Variants in COMMD10 observed in about 807,000 individuals in gnomAD.
COMMD10 encodes COMM domain-containing protein 10.
In COMMD10, 33 loss-of-function variants were observed where a neutral mutation model predicts 28.9. That is an observed-to-expected ratio of 1.14 (90% CI 0.87 to 1.53). The LOEUF is 1.53. Among genes scored for constraint, COMMD10 ranks in the 40% most tolerant of loss-of-function variants. The pLI is 0.00. For synonymous variants in COMMD10, 110 were observed against 81.7 expected (o/e 1.35, Z -1.87); for missense variants, 310 against 233.4 (o/e 1.33, Z -2.14).
At chr5:116,280,402 G>A (rs1390836498) in intron 5 of COMMD10, among the ~76,000 whole-genome samples, 1 of 151,802 alleles carries the variant, frequency 6.6e-6, no homozygotes, top group African/African-American at 2.4e-5. Context: ...TGGTTGCCAA[G>A]ATTGATTTCA....
Position 116,292,601 on chromosome 5 carries a change from A to G in COMMD10, c.*112A>G, listed in dbSNP as rs967859436. On this transcript the variant is annotated 3_prime_UTR_variant, in exon 7 of 7. Coordinates refer to ENST00000274458, the MANE Select transcript of COMMD10 (RefSeq NM_016144.4). ...GGATTCAGTGACTTGCTTTCTGTAA[A>G]TTATATGGCTTATCACTTCTTAGAC... is the stretch of plus-strand genomic sequence containing the variant. 5.2e-6 allele frequency: 4 copies of G among 767,104 alleles called. No individual in the cohort carries two copies. The highest frequency in any genetic ancestry group is 3.5e-5 in the African/African-American group (2 of 56,820). The allele number at this position is 767,104 out of a possible 1,614,324, so 47.5% of individuals were successfully genotyped here. A position where few individuals can be genotyped will look rare whatever the true frequency, so the allele number is the denominator to read the frequency against.
At chr5:116,210,401 T>A in intron 5 of COMMD10, among the ~76,000 whole-genome samples, 1 of 151,852 alleles carries the variant, frequency 6.6e-6, no homozygotes, top group East Asian at 1.9e-4. Context: ...TTTATAGATC[T>A]TTTTCTTAGG....
intron 5 of COMMD10, among the ~76,000 whole-genome samples, chr5:116,200,056 G>A (rs180971208): frequency 2.0e-5 from 3 of 152,202 alleles, no homozygotes; most frequent in Non-Finnish European, 4.4e-5. Flanking sequence ...CATACAATGT[G>A]TAATAATCAC....
chr5:116,263,344 T>G lies in COMMD10; in HGVS notation c.511-28173T>G, dbSNP rs148897283. Among the ~76,000 whole-genome samples, 277 of 151,876 alleles carry G rather than the reference T, an allele frequency of 1.8e-3. 6 individuals are homozygous for G. Among genetic ancestry groups the G allele is most frequent in the African/African-American group, 6.3e-3 (261 of 41,246 alleles). On this transcript the variant is annotated intron_variant, in intron 5 of 6. Coordinates refer to ENST00000274458, the MANE Select transcript of COMMD10 (RefSeq NM_016144.4). ...TTATTTGACCCTATGTATCATGACTTACTTTTCAATCTGACTCTGGCATAA... is the reference window on the plus strand; with the variant it reads ...TTATTTGACCCTATGTATCATGACTGACTTTTCAATCTGACTCTGGCATAA...
chr5:116,255,397 T>C (rs1332759600), intron 5 of COMMD10, among the ~76,000 whole-genome samples: 1 of 151,768 alleles, frequency 6.6e-6, no homozygotes, highest in African/African-American at 2.4e-5. Context: ...CTAGTCTTGA[T>C]GGTCGTTACA....
intron 5 of COMMD10, among the ~76,000 whole-genome samples, chr5:116,244,938 G>C (rs1176283955): frequency 6.6e-6 from 1 of 151,400 alleles, no homozygotes; most frequent in Admixed American, 6.6e-5. Flanking sequence ...GAAACCAAGA[G>C]CAAACAAATC....
chr5:116,180,468 A>G (rs1580526023), intron 5 of COMMD10, among the ~76,000 whole-genome samples: 1 of 152,134 alleles, frequency 6.6e-6, no homozygotes, highest in East Asian at 1.9e-4. Flanking sequence ...TTTTTCCTGT[A>G]TTAGTGTTGG....
chr5:116,186,885 G>A (rs144384604), intron 5 of COMMD10, among the ~76,000 whole-genome samples: 52 of 152,236 alleles, frequency 3.4e-4, no homozygotes, highest in South Asian at 3.1e-3. Flanking sequence ...ACTGTAGCCC[G>A]TAATGCATCA....
intron 5 of COMMD10, among the ~76,000 whole-genome samples, chr5:116,157,067 A>G (rs899145953): frequency 2.6e-5 from 4 of 152,060 alleles, no homozygotes; most frequent in African/African-American, 9.7e-5. Flanking sequence ...TAGGGAACAC[A>G]ATTTTGCCGA....
chr5:116,221,823 G>C (rs958235380), intron 5 of COMMD10, among the ~76,000 whole-genome samples: 24 of 152,058 alleles, frequency 1.6e-4, no homozygotes, highest in Admixed American at 6.6e-5. Context: ...TGGATTTTTG[G>C]AGTCCTTTGC....
At chr5:116,231,065 G>A (rs1176241105) in intron 5 of COMMD10, among the ~76,000 whole-genome samples, 1 of 152,088 alleles carries the variant, frequency 6.6e-6, no homozygotes, top group Non-Finnish European at 1.5e-5. Context: ...CAGAATAAAT[G>A]CAGTTTACTG....
At chr5:116,140,036 C>G (rs1007714661) in intron 5 of COMMD10, among the ~76,000 whole-genome samples, 25 of 151,506 alleles carry the variant, frequency 1.7e-4, no homozygotes, top group Admixed American at 5.3e-4. Flanking sequence ...CCTGCTTCTC[C>G]CCATTTTTTC....
intron 4 of COMMD10, among the ~76,000 whole-genome samples, chr5:116,129,699 A>G (rs1488624899): frequency 2.8e-5 from 1 of 36,316 alleles, no homozygotes; most frequent in East Asian, 3.8e-4. Flanking sequence ...ATACTATGTA[A>G]TATACATTAG....
intron 5 of COMMD10, among the ~76,000 whole-genome samples, chr5:116,267,182 G>A (rs1750610197): frequency 6.6e-6 from 1 of 151,924 alleles, no homozygotes; most frequent in African/African-American, 2.4e-5. Flanking sequence ...TGACATGATT[G>A]TGTATTTAGA....
intron 5 of COMMD10, among the ~76,000 whole-genome samples, chr5:116,278,007 A>G (rs997050793): frequency 6.6e-6 from 1 of 151,872 alleles, no homozygotes; most frequent in Non-Finnish European, 1.5e-5. Flanking sequence ...TACACACTAG[A>G]AACAATAGAA....
At chr5:116,208,039 G>C (rs1748860977) in intron 5 of COMMD10, among the ~76,000 whole-genome samples, 1 of 152,074 alleles carries the variant, frequency 6.6e-6, no homozygotes, top group Admixed American at 6.6e-5. Context: ...TTCTGTTCTT[G>C]GTTGTGGTTG....
intron 4 of COMMD10, among the ~76,000 whole-genome samples, chr5:116,129,153 T>A (rs1388191261): frequency 6.6e-6 from 1 of 151,594 alleles, no homozygotes; most frequent in East Asian, 1.9e-4. Flanking sequence ...TTGATTTTGA[T>A]ATAATTTATA....
intron 4 of COMMD10, among the ~76,000 whole-genome samples, chr5:116,118,686 A>T (rs1299662466): frequency 6.6e-6 from 1 of 152,132 alleles, no homozygotes; most frequent in African/African-American, 2.4e-5. Flanking sequence ...CATTTAAAAA[A>T]TTTTCTCTTT....
intron 4 of COMMD10, among the ~76,000 whole-genome samples, chr5:116,122,821 T>G (rs1751488462): frequency 6.6e-6 from 1 of 152,236 alleles, no homozygotes; most frequent in Admixed American, 6.5e-5. Context: ...TTTTGCATAT[T>G]GATTTTGTAT....
Sources: allele counts gnomAD v4.1 joint callset (sites outside exome capture counted in the v4.1 genomes callset), GRCh38; gene constraint gnomAD v4.1.1; transcripts MANE v1.5; gene names NCBI Gene and HGNC (gene_info 2026-07-23, HGNC 2026-07-21).